The following EPB41L4A variants were observed in gnomAD, a reference collection of about 807,000 sequenced individuals.
The protein encoded by EPB41L4A is band 4.1-like protein 4A.
In EPB41L4A, 100 loss-of-function variants were observed where a neutral mutation model predicts 108.6. The ratio of observed to expected loss-of-function variants is 0.92; its 90% CI spans 0.78 to 1.09. The LOEUF is 1.09. EPB41L4A is among the 50% of genes least tolerant of loss of function. The probability of loss-of-function intolerance (pLI) is 0.00; values close to 1 mark genes in which losing one functional copy is unlikely to be tolerated. For missense variants in EPB41L4A, 1,030 were observed against 842.7 expected (o/e 1.22, Z -2.75); for synonymous variants, 319 against 289.0 (o/e 1.10, Z -1.05).
intron 12 of EPB41L4A, among the ~76,000 whole-genome samples, chr5:112,224,471 C>A (rs1266421679): frequency 6.6e-6 from 1 of 151,974 alleles, no homozygotes; most frequent in African/African-American, 2.4e-5. Flanking sequence ...GCAGGTAAGT[C>A]AGACAGAATA....
chr5:112,262,607 C>T (rs761744036), intron 6 of EPB41L4A, 26 bp from the exon 7 acceptor site: 7 of 1,586,562 alleles, frequency 4.4e-6, no homozygotes, highest in Non-Finnish European at 4.3e-6. Flanking sequence ...AAACAAAGAG[C>T]CTTATTTTAC....
intron 1 of EPB41L4A, among the ~76,000 whole-genome samples, chr5:112,402,603 C>A (rs181866597): frequency 6.6e-6 from 1 of 152,112 alleles, no homozygotes; most frequent in African/African-American, 2.4e-5. Flanking sequence ...GGGAAAAGTA[C>A]GTGGAAGACT....
intron 18 of EPB41L4A, among the ~76,000 whole-genome samples, chr5:112,176,956 C>G (rs970294608): frequency 1.3e-5 from 2 of 151,742 alleles, no homozygotes; most frequent in African/African-American, 4.8e-5. Flanking sequence ...GGTTTCACCA[C>G]GTTGGCCAGG....
intron 9 of EPB41L4A, among the ~76,000 whole-genome samples, chr5:112,254,005 T>C (rs1182757689): frequency 6.6e-6 from 1 of 152,198 alleles, no homozygotes. Flanking sequence ...CGGAGAGTTC[T>C]GCCAAGTGGA....
At chr5:112,211,084 A>T (rs1241078397) in intron 12 of EPB41L4A, among the ~76,000 whole-genome samples, 2 of 152,246 alleles carry the variant, frequency 1.3e-5, no homozygotes, top group Non-Finnish European at 2.9e-5. Context: ...TGAAGTAGAT[A>T]TCAATGTTAT....
chr5:112,254,654 C>G (rs1404990237), intron 9 of EPB41L4A, among the ~76,000 whole-genome samples: 1 of 152,122 alleles, frequency 6.6e-6, no homozygotes, highest in Non-Finnish European at 1.5e-5. Flanking sequence ...TCTTCTACCC[C>G]ACATCTCCAG....
In EPB41L4A at chr5:112,259,955, A is replaced by C. The variant is rs748004384; in HGVS notation, c.667T>G (p.Leu223Val). Residue 223 changes from leucine (L) to valine (V), a missense_variant, in exon 8 of 23, where the codon TTA (leucine) becomes GTA (valine). Physicochemically the swap from Leu to Val is conservative, Grantham distance 32 (BLOSUM62 1). Transcript: ENST00000261486. Reference protein sequence around the residue: ...VYGENKSEYFLGLTPVGVVVY... With the variant: ...VYGENKSEYFVGLTPVGVVVY... ...ACAACACCAACCGGAGTTAATCCTA[A>C]GAAATACTCAGACTTGTTTTCTCCC... The C allele has an allele frequency of 1.2e-6, 2 of 1,614,054 alleles. No homozygotes were observed. The highest frequency in any genetic ancestry group is 3.3e-5 in the Admixed American group (2 of 60,034).
intron 2 of EPB41L4A, among the ~76,000 whole-genome samples, chr5:112,283,343 C>T (rs1753081313): frequency 6.6e-6 from 1 of 152,084 alleles, no homozygotes; most frequent in African/African-American, 2.4e-5. Flanking sequence ...CACAAGTCAC[C>T]AGGTTTCAGA....
At chr5:112,395,688 A>T (rs1761283123) in intron 1 of EPB41L4A, among the ~76,000 whole-genome samples, 1 of 152,286 alleles carries the variant, frequency 6.6e-6, no homozygotes, top group African/African-American at 2.4e-5. Context: ...AGACTGTGGC[A>T]ATTCCTCAAG....
chr5:112,406,889 A>C (rs1762105034), intron 1 of EPB41L4A, among the ~76,000 whole-genome samples: 1 of 152,100 alleles, frequency 6.6e-6, no homozygotes, highest in Non-Finnish European at 1.5e-5. Flanking sequence ...AGATGACTCC[A>C]AATGTCCATG....
At chr5:112,169,981 T>C (rs1392447629) in intron 20 of EPB41L4A, 1 of 305,538 alleles carries the variant, frequency 3.3e-6, no homozygotes, top group East Asian at 1.0e-4. Context: ...AACATAATTC[T>C]CTTGGTGTAA....
chr5:112,246,185 TTTTAG>T (rs1750203282), intron 9 of EPB41L4A, among the ~76,000 whole-genome samples: 1 of 152,172 alleles, frequency 6.6e-6, no homozygotes, highest in African/African-American at 2.4e-5. Context: ...TTTTTTTTTC[TTTTAG>T]TTTTCTTTTT....
intron 9 of EPB41L4A, among the ~76,000 whole-genome samples, chr5:112,255,423 T>C (rs570805436): frequency 2.6e-5 from 4 of 152,304 alleles, no homozygotes; most frequent in East Asian, 1.9e-4. Context: ...AGGGTACACA[T>C]ACTTAACAGG....
rs564868505 is a variant in EPB41L4A, at chr5:112,190,908, G to A, written c.1502+3660C>T. Among the ~76,000 whole-genome samples, 26 of 152,132 alleles carry A rather than the reference G, an allele frequency of 1.7e-4. 1 individual carries two copies. The highest frequency in any genetic ancestry group is 6.3e-4 in the African/African-American group (26 of 41,514). On this transcript the variant is annotated intron_variant, in intron 17 of 22. Transcript: ENST00000261486. Reference sequence around the variant, plus strand: ...AGAAAGAAAAAAGACTGGAAAGGAAGCCCAGGAAACAGAAAGGAACTGGGT... The same window carrying A: ...AGAAAGAAAAAAGACTGGAAAGGAAACCCAGGAAACAGAAAGGAACTGGGT...
At chr5:112,232,912 G>T (rs569355170) in intron 12 of EPB41L4A, among the ~76,000 whole-genome samples, 17 of 152,208 alleles carry the variant, frequency 1.1e-4, no homozygotes, top group African/African-American at 3.4e-4. Context: ...GTTAGACAAG[G>T]GTGATCTATA....
intron 1 of EPB41L4A, among the ~76,000 whole-genome samples, chr5:112,345,778 T>TACACACAC (rs781658480): frequency 1.5e-5 from 2 of 130,782 alleles, no homozygotes; most frequent in East Asian, 2.5e-4. Context: ...CATATATATA[T>TACACACAC]ATACACACAC....
At chr5:112,238,924 C>T (rs1038538238) in intron 11 of EPB41L4A, among the ~76,000 whole-genome samples, 6 of 152,158 alleles carry the variant, frequency 3.9e-5, no homozygotes, top group African/African-American at 1.2e-4. Flanking sequence ...AAGACATAAG[C>T]GCCTGCCTAG....
intron 12 of EPB41L4A, among the ~76,000 whole-genome samples, chr5:112,213,098 T>C (rs1354219961): frequency 6.6e-6 from 1 of 152,236 alleles, no homozygotes; most frequent in Non-Finnish European, 1.5e-5. Context: ...TGGATGGTTT[T>C]CCAAAAGAAT....
chr5:112,320,380 C>G (rs1386957860), intron 1 of EPB41L4A, among the ~76,000 whole-genome samples: 1 of 152,168 alleles, frequency 6.6e-6, no homozygotes, highest in Non-Finnish European at 1.5e-5. Context: ...ATAACTTTCC[C>G]CCTTAACACA....
Sources: gnomAD v4.1 joint callset for allele counts (sites outside exome capture counted in the v4.1 genomes callset) on GRCh38, gnomAD v4.1.1 for gene constraint, MANE v1.5 for transcripts, NCBI Gene and HGNC (gene_info 2026-07-23, HGNC 2026-07-21) for gene names.